OPCML: variants seen among roughly 807,000 people sequenced by gnomAD.
The protein encoded by OPCML is opioid-binding protein/cell adhesion molecule.
A neutral mutation model predicts 37.8 loss-of-function variants in OPCML; 13 were observed. The observed-to-expected ratio is 0.34, with a 90% confidence interval of 0.22 to 0.55. The LOEUF (loss-of-function observed/expected upper bound fraction) is 0.55. Among genes scored for constraint, OPCML ranks in the 20% least tolerant of loss-of-function variants. OPCML has a pLI of 0.91. For synonymous variants in OPCML, 176 were observed against 168.8 expected, an observed-to-expected ratio of 1.04 and a Z score of -0.33; for missense variants, 341 against 435.6, an observed-to-expected ratio of 0.78 and a Z score of 1.93.
At chr11:133,290,184 AGCTGCACT>A (rs1463380291) in intron 1 of OPCML, among the ~76,000 whole-genome samples, 13 of 152,328 alleles carry the variant, frequency 8.5e-5, no homozygotes, top group African/African-American at 3.1e-4. Flanking sequence ...CTGTCTCAGC[AGCTGCACT>A]GCTTTTGCCC....
At chr11:133,373,448 T>TATATACAC (rs966091785) in intron 1 of OPCML, among the ~76,000 whole-genome samples, 9 of 132,180 alleles carry the variant, frequency 6.8e-5, no homozygotes, top group African/African-American at 2.2e-4. Context: ...TATATATATA[T>TATATACAC]ACACACACAC....
chr11:132,540,930 C>T (rs1446900242), intron 3 of OPCML, among the ~76,000 whole-genome samples: 1 of 152,180 alleles, frequency 6.6e-6, no homozygotes, highest in East Asian at 1.9e-4. Flanking sequence ...GGTGCCCTCC[C>T]TCTGGGAGTC....
chr11:133,498,538 G>A (rs1433231151), intron 1 of OPCML, among the ~76,000 whole-genome samples: 2 of 152,128 alleles, frequency 1.3e-5, no homozygotes, highest in Admixed American at 1.3e-4. Context: ...GGCCTCCCAG[G>A]GCCTAAGACA....
chr11:132,603,356 G>A (rs942137300), intron 3 of OPCML, among the ~76,000 whole-genome samples: 1 of 152,138 alleles, frequency 6.6e-6, no homozygotes, highest in Non-Finnish European at 1.5e-5. Flanking sequence ...ACCAAAGGCA[G>A]GCCTATGTAT....
intron 1 of OPCML, among the ~76,000 whole-genome samples, chr11:133,020,626 A>T (rs1284615341): frequency 1.3e-5 from 2 of 152,178 alleles, no homozygotes; most frequent in Non-Finnish European, 2.9e-5. Flanking sequence ...TCAGGATTAG[A>T]GAAAAAGTGA....
intron 2 of OPCML, among the ~76,000 whole-genome samples, chr11:132,732,887 G>T (rs909356695): frequency 6.6e-6 from 1 of 152,130 alleles, no homozygotes. Flanking sequence ...AGAACAGAAG[G>T]CAAGTATCTG....
At chr11:133,125,400 T>C (rs186998323) in intron 1 of OPCML, among the ~76,000 whole-genome samples, 117 of 152,064 alleles carry the variant, frequency 7.7e-4, no homozygotes, top group Admixed American at 4.5e-3. Flanking sequence ...ATTCTAGCAC[T>C]TACTGCATCA....
chr11:133,442,952 A>C (rs984553439), intron 1 of OPCML, among the ~76,000 whole-genome samples: 1 of 152,236 alleles, frequency 6.6e-6, no homozygotes, highest in Non-Finnish European at 1.5e-5. Flanking sequence ...GGACTTAAAC[A>C]TGATACTTAA....
intron 2 of OPCML, among the ~76,000 whole-genome samples, chr11:132,659,254 C>A (rs1334023888): frequency 1.3e-5 from 2 of 152,142 alleles, no homozygotes; most frequent in African/African-American, 4.8e-5. Context: ...AATGGATCCT[C>A]CCTGCTCCCC....
chr11:133,489,830 A>G (rs1417435762), intron 1 of OPCML, among the ~76,000 whole-genome samples: 3 of 142,012 alleles, frequency 2.1e-5, no homozygotes, highest in East Asian at 2.0e-4. Context: ...GTGTGTGTGT[A>G]TATACATATA....
intron 2 of OPCML, among the ~76,000 whole-genome samples, chr11:132,810,253 T>C (rs1487995986): frequency 1.3e-5 from 2 of 152,214 alleles, no homozygotes; most frequent in Non-Finnish European, 2.9e-5. Flanking sequence ...AAAGGGCAGG[T>C]CAGACTTCAA....
chr11:132,700,467 T>G (rs1429791004), intron 2 of OPCML, among the ~76,000 whole-genome samples: 1 of 152,120 alleles, frequency 6.6e-6, no homozygotes, highest in Non-Finnish European at 1.5e-5. Context: ...ATCCCTTAAG[T>G]TTTGGTATGT....
intron 2 of OPCML, among the ~76,000 whole-genome samples, chr11:132,923,078 A>G (rs909272228): frequency 8.4e-5 from 9 of 106,596 alleles, no homozygotes; most frequent in Non-Finnish European, 1.7e-4. Context: ...CGTCTCAGAA[A>G]AAAATAAATA....
chr11:132,514,044 A>T (rs2096274539), intron 4 of OPCML, among the ~76,000 whole-genome samples: 1 of 152,186 alleles, frequency 6.6e-6, no homozygotes. Flanking sequence ...ATTTAGCCAA[A>T]GTCTCCATTT....
chr11:132,679,496 C>T (rs1171541529), intron 2 of OPCML, among the ~76,000 whole-genome samples: 1 of 152,170 alleles, frequency 6.6e-6, no homozygotes, highest in East Asian at 1.9e-4. Flanking sequence ...AACAAAAGAT[C>T]TCCTATTGTA....
intron 1 of OPCML, among the ~76,000 whole-genome samples, chr11:133,064,423 C>T (rs956339142): frequency 6.6e-6 from 1 of 152,242 alleles, no homozygotes; most frequent in African/African-American, 2.4e-5. Context: ...TCCCTGGTAG[C>T]TGTGGCAACA....
chr11:133,311,505 A>G (rs1943066934), intron 1 of OPCML, among the ~76,000 whole-genome samples: 1 of 152,230 alleles, frequency 6.6e-6, no homozygotes, highest in Admixed American at 6.5e-5. Flanking sequence ...ACAGAAGCTC[A>G]GGTACAATGG....
chr11:133,041,577 T>C (rs2136946605), intron 1 of OPCML, among the ~76,000 whole-genome samples: 1 of 152,320 alleles, frequency 6.6e-6, no homozygotes, highest in East Asian at 1.9e-4. Context: ...CCTGGCCTCT[T>C]CTGGCAACTG....
At chr11:132,878,455 T>C (rs947810578) in intron 2 of OPCML, among the ~76,000 whole-genome samples, 6 of 152,212 alleles carry the variant, frequency 3.9e-5, no homozygotes, top group Non-Finnish European at 8.8e-5. Context: ...CCCTGCCTGA[T>C]GGGCTTTGGC....
Sources: gnomAD v4.1 joint callset for allele counts (sites outside exome capture counted in the v4.1 genomes callset) on GRCh38, gnomAD v4.1.1 for gene constraint, MANE v1.5 for transcripts, NCBI Gene and HGNC (gene_info 2026-07-23, HGNC 2026-07-21) for gene names.